Variants in KSR1 observed in about 807,000 individuals in gnomAD.
KSR1 encodes kinase suppressor of ras 1.
Under a neutral mutation model 92.9 loss-of-function variants are expected in KSR1, and 35 were observed. That is an observed-to-expected ratio of 0.38 (90% confidence interval 0.29 to 0.50). The LOEUF is 0.50. KSR1 is among the 20% of genes least tolerant of loss of function. KSR1 has a pLI of 0.94. For missense variants in KSR1, 972 were observed against 1,158.5 expected (o/e 0.84, Z 2.34); for synonymous variants, 467 against 472.6 (o/e 0.99, Z 0.15).
rs1159539024 is a variant in KSR1 at position 27,605,698 on chromosome 17, G to T, written c.1879G>T (p.Asp627Tyr). 1 of 1,612,954 alleles carries T rather than the reference G, an allele frequency of 6.2e-7. No individual in the cohort carries two copies. Reference protein sequence around the residue: ...RLLEMDGHNQDHLKLFKKEVM... With the variant: ...RLLEMDGHNQYHLKLFKKEVM... Reference sequence around the variant, plus strand: ...GCTGGAGATGGACGGCCACAACCAGGACCACCTGAAGCTCTTCAAGAAAGA... The same window carrying T: ...GCTGGAGATGGACGGCCACAACCAGTACCACCTGAAGCTCTTCAAGAAAGA... Residue 627 changes from aspartate to tyrosine, a missense_variant, in exon 14 of 21, where the codon GAC (aspartate) becomes TAC (tyrosine). Transcript: ENST00000644974.
intron 2 of KSR1, among the ~76,000 whole-genome samples, chr17:27,550,935 C>A (rs1366794815): frequency 1.3e-5 from 2 of 152,212 alleles, no homozygotes; most frequent in Non-Finnish European, 2.9e-5. Flanking sequence ...CAGCCCCACG[C>A]TGGGCATTGA....
intron 18 of KSR1, among the ~76,000 whole-genome samples, chr17:27,616,845 T>A (rs1392751828): frequency 6.6e-6 from 1 of 152,210 alleles, no homozygotes; most frequent in Non-Finnish European, 1.5e-5. Context: ...TGCCCGTATA[T>A]CGAGTCTTCT....
At chr17:27,554,488 C>T (rs1017719770) in intron 2 of KSR1, among the ~76,000 whole-genome samples, 2 of 152,226 alleles carry the variant, frequency 1.3e-5, no homozygotes, top group African/African-American at 4.8e-5. Flanking sequence ...ATTAGATTCT[C>T]ACAGGAGCAC....
chr17:27,525,078 C>T (rs144503636), intron 1 of KSR1, among the ~76,000 whole-genome samples: 1 of 152,224 alleles, frequency 6.6e-6, no homozygotes, highest in Non-Finnish European at 1.5e-5. Context: ...ATCAGTCCTT[C>T]TGTATATTTT....
rs762094079 is a variant in KSR1, at chr17:27,607,992, C to T, written c.2073C>T (p.Ile691=). The T allele has an allele frequency of 6.2e-7, 1 of 1,608,626 alleles. No homozygotes were observed. Among genetic ancestry groups the T allele is most frequent in the Non-Finnish European group, 8.5e-7 (1 of 1,177,398 alleles). ...TGGACATCAACAAGACGAGGCAAAT[C>T]GCTCAGGAGATCATCAAGGTGAGGG... ...TSLDINKTRQ[I]AQEIIKGMGY... is the part of the protein sequence containing the mutation. The change falls in exon 15 of 21, where the codon ATC becomes ATT. Residue 691 remains isoleucine, a synonymous_variant. Transcript: ENST00000644974.
At chr17:27,513,310 G>T (rs540126777) in intron 1 of KSR1, among the ~76,000 whole-genome samples, 6 of 152,202 alleles carry the variant, frequency 3.9e-5, no homozygotes, top group Admixed American at 3.3e-4. Flanking sequence ...AATGCTGCGG[G>T]CTAGATGCGG....
chr17:27,550,378 C>A (rs1460238295), intron 1 of KSR1, among the ~76,000 whole-genome samples, 190 bp from the exon 2 acceptor site: 1 of 152,198 alleles, frequency 6.6e-6, no homozygotes, highest in Non-Finnish European at 1.5e-5. Context: ...TGGGTGGCCA[C>A]CAGCCTCTGC....
At chr17:27,606,092 C>G (rs2073743046) in intron 14 of KSR1, among the ~76,000 whole-genome samples, 1 of 152,184 alleles carries the variant, frequency 6.6e-6, no homozygotes, top group African/African-American at 2.4e-5. Context: ...CCAGCCTGGG[C>G]AACATACTGA....
At chr17:27,467,617 A>T (rs1195282202) in intron 1 of KSR1, among the ~76,000 whole-genome samples, 3 of 152,132 alleles carry the variant, frequency 2.0e-5, no homozygotes. Context: ...GATAACAGTG[A>T]GGGGAAGAAA....
At chr17:27,599,972 T>C (rs1324915083) in intron 10 of KSR1, among the ~76,000 whole-genome samples, 1 of 152,140 alleles carries the variant, frequency 6.6e-6, no homozygotes, top group Non-Finnish European at 1.5e-5. Flanking sequence ...CCTCCACATC[T>C]TGTCCCACCG....
intron 2 of KSR1, among the ~76,000 whole-genome samples, chr17:27,569,757 A>C (rs1441795750): frequency 6.6e-6 from 1 of 152,232 alleles, no homozygotes; most frequent in African/African-American, 2.4e-5. Context: ...AGCAGAGTGG[A>C]GCAGTTTCGA....
chr17:27,592,918 G>C (rs950438384), intron 9 of KSR1, among the ~76,000 whole-genome samples: 2 of 152,194 alleles, frequency 1.3e-5, no homozygotes, highest in African/African-American at 4.8e-5. Context: ...CCCCACAATA[G>C]TTCTGAAGGG....
intron 1 of KSR1, among the ~76,000 whole-genome samples, chr17:27,502,874 G>T (rs2069242072): frequency 6.6e-6 from 1 of 152,218 alleles, no homozygotes. Flanking sequence ...TCTCTGCCTG[G>T]CTGTTCCCAT....
At chr17:27,568,279 G>A (rs1209517459) in intron 2 of KSR1, among the ~76,000 whole-genome samples, 1 of 152,204 alleles carries the variant, frequency 6.6e-6, no homozygotes, top group Non-Finnish European at 1.5e-5. Flanking sequence ...CTGTGGCCTG[G>A]CTCATCTCCC....
intron 2 of KSR1, among the ~76,000 whole-genome samples, chr17:27,554,967 C>G (rs1365392222): frequency 6.6e-6 from 1 of 152,202 alleles, no homozygotes; most frequent in Non-Finnish European, 1.5e-5. Context: ...GACCACAGTG[C>G]CTTTGTCAAA....
chr17:27,611,267 C>G, intron 17 of KSR1: 1 of 543,344 alleles, frequency 1.8e-6, no homozygotes, highest in Non-Finnish European at 3.3e-6. Context: ...AGGCTCCGGT[C>G]AAACCTGCGC....
At chr17:27,523,385 TA>T (rs11429386) in intron 1 of KSR1, among the ~76,000 whole-genome samples, 5,642 of 144,294 alleles carry the variant, frequency 0.039, 296 homozygotes, top group African/African-American at 0.13. Context: ...TCTGTAAGGT[TA>T]AAAAAAAAAA....
intron 1 of KSR1, among the ~76,000 whole-genome samples, chr17:27,546,028 C>G (rs1204946218): frequency 6.6e-6 from 1 of 152,188 alleles, no homozygotes; most frequent in Admixed American, 6.5e-5. Flanking sequence ...CCTGACCTCT[C>G]CAGTTAATGT....
At position 27,559,219 on chromosome 17, in the gene KSR1, C is replaced by G. The variant is rs1456370087; in HGVS notation, c.372+8511C>G. Among the ~76,000 whole-genome samples, 2 of 152,208 alleles carry G rather than the reference C, an allele frequency of 1.3e-5. No individual in the cohort carries two copies. Among genetic ancestry groups the G allele is most frequent in the African/African-American group, 2.4e-5 (1 of 41,454 alleles). ...GGTTCCTGGTGTGGCTGAGGTGGCC[C>G]TGCGTGGGTTTCTTTCTGTTCCCAC... is the stretch of plus-strand genomic sequence containing the variant. On this transcript the variant is annotated intron_variant, in intron 2 of 20. Transcript: ENST00000644974. This position sits in a 1 kb window ranked among gnomAD's most constrained non-coding sequence, Gnocchi z 4.2.
Sources: gnomAD v4.1 joint callset for allele counts (sites outside exome capture counted in the v4.1 genomes callset) on GRCh38, gnomAD v4.1.1 for gene constraint, Gnocchi (gnomAD v3.1) non-coding constraint, MANE v1.5 for transcripts, NCBI Gene and HGNC (gene_info 2026-07-23, HGNC 2026-07-21) for gene names.